PCNX1: variants seen among roughly 807,000 people sequenced by gnomAD.
PCNX1 encodes pecanex-like protein 1.
A neutral mutation model predicts 242.2 loss-of-function variants in PCNX1; 78 were observed. The observed-to-expected ratio is 0.32, with a 90% CI of 0.27 to 0.39. The LOEUF (loss-of-function observed/expected upper bound fraction) is 0.39, where lower values mean the gene tolerates loss of function less well. PCNX1 is among the 10% of genes least tolerant of loss of function. The pLI, the probability that PCNX1 is intolerant of heterozygous loss-of-function variation, is 1.00. For missense variants in PCNX1, 2,581 were observed against 2,856.5 expected (o/e 0.90, Z 2.20); for synonymous variants, 1,024 against 1,032.9 (o/e 0.99, Z 0.17).
intron 25 of PCNX1, among the ~76,000 whole-genome samples, chr14:71,056,759 A>G (rs1369831491): frequency 1.3e-5 from 2 of 151,662 alleles, no homozygotes; most frequent in African/African-American, 4.8e-5. Context: ...GCTCACTGCA[A>G]CCTCCACCTC....
intron 2 of PCNX1, among the ~76,000 whole-genome samples, chr14:70,956,738 A>G (rs2058010715): frequency 6.6e-6 from 1 of 152,096 alleles, no homozygotes; most frequent in South Asian, 2.1e-4. Context: ...CTGAGGAGGT[A>G]TTATTTCTGT....
At chr14:70,938,959 T>C (rs2057122459) in intron 1 of PCNX1, among the ~76,000 whole-genome samples, 1 of 152,230 alleles carries the variant, frequency 6.6e-6, no homozygotes, top group African/African-American at 2.4e-5. Flanking sequence ...TGTATTTCTG[T>C]GGGATAGGTG....
chr14:71,098,321 A>C (rs1296732122), intron 30 of PCNX1, among the ~76,000 whole-genome samples: 1 of 152,096 alleles, frequency 6.6e-6, no homozygotes, highest in Non-Finnish European at 1.5e-5. Flanking sequence ...GAAAAAATAC[A>C]TTGGTAGCTT....
chr14:70,948,664 C>T (rs550772700), intron 2 of PCNX1, among the ~76,000 whole-genome samples: 3 of 137,960 alleles, frequency 2.2e-5, no homozygotes, highest in Admixed American at 7.2e-5. Context: ...TATATATACA[C>T]GTGTCTATAT....
chr14:71,047,297 C>G (rs984789782), intron 21 of PCNX1, among the ~76,000 whole-genome samples, 192 bp downstream of exon 21: 15 of 152,084 alleles, frequency 9.9e-5, no homozygotes, highest in African/African-American at 3.6e-4. Flanking sequence ...ATTCTGTACT[C>G]CAGACATCTC....
chr14:71,039,978 A>C (rs1011988785), intron 19 of PCNX1, among the ~76,000 whole-genome samples: 2 of 151,840 alleles, frequency 1.3e-5, no homozygotes, highest in South Asian at 4.2e-4. Context: ...ATTTCCTAGG[A>C]CATTTCTCTT....
In PCNX1 at chr14:70,977,002, A is replaced by G; in HGVS notation, c.665A>G (p.Gln222Arg). The G allele has an allele frequency of 1.2e-6, 2 of 1,614,088 alleles. No individual in the cohort carries two copies. Among genetic ancestry groups the G allele is most frequent in the East Asian group, 2.2e-5 (1 of 44,876 alleles). Reference sequence around the variant, plus strand: ...TCCAATGACTCCTTCATCTCTATTCAGCCTTCCTTATCCTCTTGTGGACAG... The same window carrying G: ...TCCAATGACTCCTTCATCTCTATTCGGCCTTCCTTATCCTCTTGTGGACAG... ...LVSNDSFISI[Q>R]PSLSSCGQDL... Residue 222 changes from glutamine (Q) to arginine (R), a missense_variant, in exon 6 of 36, where the codon CAG becomes CGG. Coordinates refer to ENST00000304743, the MANE Select transcript of PCNX1 (RefSeq NM_014982.3).
At chr14:71,028,293 G>T (rs2060291664) in intron 15 of PCNX1, among the ~76,000 whole-genome samples, 1 of 151,794 alleles carries the variant, frequency 6.6e-6, no homozygotes, top group Non-Finnish European at 1.5e-5. Context: ...TACTTCTGGG[G>T]GTAACACAGG....
At chr14:70,949,193 C>T (rs1566607798) in intron 2 of PCNX1, among the ~76,000 whole-genome samples, 1 of 139,028 alleles carries the variant, frequency 7.2e-6, no homozygotes, top group East Asian at 2.3e-4. Context: ...AGCATTTACT[C>T]ATAGTGTGTA....
chr14:71,009,825 A>G, intron 9 of PCNX1, 101 bp downstream of exon 9: 1 of 541,542 alleles, frequency 1.8e-6, no homozygotes, highest in Non-Finnish European at 3.1e-6. Flanking sequence ...TTTGTTTTTT[A>G]TAATTTAATG....
At chr14:70,976,123 G>A (rs1236634569) in intron 5 of PCNX1, among the ~76,000 whole-genome samples, 1 of 152,012 alleles carries the variant, frequency 6.6e-6, no homozygotes, top group African/African-American at 2.4e-5. Flanking sequence ...TTTTAATATT[G>A]TGTTAGTAAG....
At chr14:71,099,316 G>A (rs1452470226) in intron 30 of PCNX1, among the ~76,000 whole-genome samples, 8 of 151,772 alleles carry the variant, frequency 5.3e-5, no homozygotes, top group South Asian at 4.2e-4. Context: ...CCGCCACCAC[G>A]TCTGGCTAAT....
At chr14:71,021,725 C>T (rs1357365180) in intron 12 of PCNX1, among the ~76,000 whole-genome samples, 3 of 150,828 alleles carry the variant, frequency 2.0e-5, no homozygotes, top group Non-Finnish European at 4.4e-5. Context: ...TCATTTAATA[C>T]CTATGTATAC....
At chr14:71,077,538 A>G (rs551611792) in intron 28 of PCNX1, among the ~76,000 whole-genome samples, 16 of 152,224 alleles carry the variant, frequency 1.1e-4, no homozygotes, top group South Asian at 1.0e-3. Context: ...TACTCCATCA[A>G]TAAGAACAGG....
At chr14:71,044,239 C>T (rs912080388) in intron 19 of PCNX1, 1 of 152,594 alleles carries the variant, frequency 6.6e-6, no homozygotes, top group Non-Finnish European at 1.5e-5. Context: ...TGTGCTAGTC[C>T]TTGGTCTATG....
chr14:70,956,807 C>T (rs1158785812), intron 2 of PCNX1, among the ~76,000 whole-genome samples: 2 of 152,138 alleles, frequency 1.3e-5, no homozygotes, highest in African/African-American at 2.4e-5. Context: ...CATTCCTCCT[C>T]TGAGACGTTA....
chr14:70,977,031 T>C lies in PCNX1; in HGVS notation c.694T>C (p.Leu232=), dbSNP rs2058709705. The change falls in exon 6 of 36, where the codon TTG becomes CTG. Residue 232 remains leucine, a synonymous_variant. Coordinates refer to ENST00000304743, the MANE Select transcript of PCNX1 (RefSeq NM_014982.3). The part of the protein sequence containing the change: ...QPSLSSCGQD[L]PRDFSDKVNL... ...TTCCTTATCCTCTTGTGGACAGGAC[T>C]TGCCAAGGGACTTCAGTGACAAAGT... is the stretch of plus-strand genomic sequence containing the variant. The C allele has an allele frequency of 1.9e-6, 3 of 1,614,186 alleles. No homozygotes were observed. The highest frequency in any genetic ancestry group is 2.7e-5 in the African/African-American group (2 of 75,042).
chr14:70,909,268 T>TA (rs11372712), intron 1 of PCNX1, among the ~76,000 whole-genome samples: 74,401 of 149,504 alleles, frequency 0.5, 18,841 homozygotes, highest in Non-Finnish European at 0.57. Flanking sequence ...TGTTTGAGGT[T>TA]AAAAAAAAAA....
intron 22 of PCNX1, 119 bp from the exon 23 acceptor site, chr14:71,050,533 A>C: frequency 2.5e-6 from 2 of 813,520 alleles, no homozygotes; most frequent in Non-Finnish European, 3.7e-6. Context: ...AATAATTTCA[A>C]TGCCATTTCC....
Sources: allele counts gnomAD v4.1 joint callset (sites outside exome capture counted in the v4.1 genomes callset), GRCh38; gene constraint gnomAD v4.1.1; transcripts MANE v1.5; gene names NCBI Gene and HGNC (gene_info 2026-07-23, HGNC 2026-07-21).